The following CD48 variants were observed in gnomAD, a reference collection of about 807,000 sequenced individuals.
CD48 encodes CD48 molecule.
CD48 carries 20 observed loss-of-function variants against 22.0 expected under a neutral mutation model. The ratio of observed to expected loss-of-function variants is 0.91; its 90% CI spans 0.64 to 1.32. The LOEUF is 1.32. Among genes scored for constraint, CD48 ranks in the 40% most tolerant of loss-of-function variants. The probability of loss-of-function intolerance (pLI) is 0.00; values close to 1 mark genes in which losing one functional copy is unlikely to be tolerated. For synonymous variants in CD48, 110 were observed against 110.1 expected, an observed-to-expected ratio of 1.00 and a Z score of 0.01; for missense variants, 307 against 286.5, an observed-to-expected ratio of 1.07 and a Z score of -0.52.
intron 3 of CD48, 35 bp downstream of exon 3, chr1:160,681,167 C>CTG (rs769470674): frequency 6.4e-5 from 103 of 1,613,978 alleles, no homozygotes; most frequent in Non-Finnish European, 7.8e-5. Flanking sequence ...TCCAGTTACC[C>CTG]TGTGCCCCCC....
chr1:160,705,958 T>C (rs1303971918), intron 1 of CD48, among the ~76,000 whole-genome samples: 5 of 152,162 alleles, frequency 3.3e-5, no homozygotes, highest in Non-Finnish European at 7.4e-5. Context: ...GGTTGAGAAG[T>C]ACTGAGCTAG....
intron 1 of CD48, among the ~76,000 whole-genome samples, chr1:160,704,621 C>T (rs773573076): frequency 3.9e-5 from 6 of 152,140 alleles, no homozygotes; most frequent in African/African-American, 9.7e-5. Flanking sequence ...TGTGGAAGCA[C>T]GAAGGCATTT....
chr1:160,679,553 G>A (rs1661722785), intron 3 of CD48, among the ~76,000 whole-genome samples: 1 of 151,930 alleles, frequency 6.6e-6, no homozygotes, highest in Non-Finnish European at 1.5e-5. Flanking sequence ...CACCAACTAG[G>A]AAGAAGAAGG....
chr1:160,705,248 A>G lies in CD48; in HGVS notation c.82+6434T>C, dbSNP rs548676496. 3.9e-5 allele frequency among the ~76,000 whole-genome samples: 6 copies of G among 152,336 alleles called. No homozygotes were observed. The East Asian group carries it at 1.2e-3, about 29-fold the overall frequency. ...AAGCACTTACCCTGTCCTGGTTTGT[A>G]CACGGAAATACCTAGGCATTCATTT... is the stretch of plus-strand genomic sequence containing the variant. On this transcript the variant is annotated intron_variant, in intron 1 of 3. Coordinates refer to ENST00000368046, the MANE Select transcript of CD48 (RefSeq NM_001778.4).
At chr1:160,702,729 C>A (rs1223181210) in intron 1 of CD48, among the ~76,000 whole-genome samples, 2 of 152,056 alleles carry the variant, frequency 1.3e-5, no homozygotes, top group African/African-American at 4.8e-5. Flanking sequence ...CCTTCATGGC[C>A]GGTGCCCACA....
At chr1:160,689,850 G>A (rs1481561144) in intron 1 of CD48, among the ~76,000 whole-genome samples, 1 of 152,188 alleles carries the variant, frequency 6.6e-6, no homozygotes, top group Non-Finnish European at 1.5e-5. Context: ...CGTTATAATT[G>A]TGCCAGGTTC....
chr1:160,693,320 A>G (rs1407775562), intron 1 of CD48, among the ~76,000 whole-genome samples: 1 of 152,272 alleles, frequency 6.6e-6, no homozygotes, highest in Admixed American at 6.5e-5. Flanking sequence ...AGTGGAGTTG[A>G]TGGCATACGA....
intron 1 of CD48, among the ~76,000 whole-genome samples, chr1:160,688,108 C>A (rs185209255): frequency 6.6e-6 from 1 of 152,316 alleles, no homozygotes; most frequent in East Asian, 1.9e-4. Flanking sequence ...ATTAATTTGA[C>A]TTGCCAATTT....
intron 1 of CD48, among the ~76,000 whole-genome samples, chr1:160,703,942 G>C (rs1229221444): frequency 1.3e-5 from 2 of 152,140 alleles, no homozygotes; most frequent in African/African-American, 4.8e-5. Flanking sequence ...TGGGTGTTGA[G>C]AGACACAGTC....
intron 1 of CD48, chr1:160,699,589 G>A (rs1394514093): frequency 2.0e-5 from 3 of 152,232 alleles, no homozygotes; most frequent in Non-Finnish European, 4.4e-5. Context: ...TATAAAACCC[G>A]ATTGAACATT....
intron 1 of CD48, among the ~76,000 whole-genome samples, chr1:160,697,085 A>T (rs967339745): frequency 6.6e-6 from 1 of 152,182 alleles, no homozygotes; most frequent in Non-Finnish European, 1.5e-5. Flanking sequence ...CATTTATAGA[A>T]ATCAGACTAC....
intron 1 of CD48, among the ~76,000 whole-genome samples, chr1:160,710,174 G>A (rs1053256992): frequency 6.6e-6 from 1 of 152,148 alleles, no homozygotes; most frequent in Non-Finnish European, 1.5e-5. Flanking sequence ...GTCTAGGAAA[G>A]GTATAATCAT....
chr1:160,703,720 G>A (rs1662705804), intron 1 of CD48, among the ~76,000 whole-genome samples: 1 of 152,106 alleles, frequency 6.6e-6, no homozygotes, highest in African/African-American at 2.4e-5. Flanking sequence ...TACTGGTAGG[G>A]GCAAAAGGGT....
rs997458753 is a variant in CD48 at position 160,678,873 on chromosome 1, C to G, written c.*179G>C. The stretch of plus-strand genomic sequence containing the variant: ...TATATCTCTGTGTACTAGAAAACAA[C>G]AAAGGGATATAAAATTAAATAATAA... On this transcript the variant is annotated 3_prime_UTR_variant, in exon 4 of 4. Coordinates refer to ENST00000368046, the MANE Select transcript of CD48 (RefSeq NM_001778.4). 7.0e-6 allele frequency: 4 copies of G among 572,338 alleles called. No homozygotes were observed. The African/African-American group carries it at 7.5e-5, about 11-fold the overall frequency. The allele number at this position is 572,338 out of a possible 1,614,324, so 35.5% of individuals were successfully genotyped here.
At chr1:160,706,643 T>C (rs1485845834) in intron 1 of CD48, among the ~76,000 whole-genome samples, 1 of 152,226 alleles carries the variant, frequency 6.6e-6, no homozygotes, top group African/African-American at 2.4e-5. Flanking sequence ...TTTGGTGATA[T>C]GTCTGGATGA....
At chr1:160,688,188 C>T (rs1662069148) in intron 1 of CD48, among the ~76,000 whole-genome samples, 1 of 152,140 alleles carries the variant, frequency 6.6e-6, no homozygotes, top group Admixed American at 6.5e-5. Context: ...CAAAATGAGC[C>T]GTTTGAATAG....
At chr1:160,696,222 C>G (rs539834155) in intron 1 of CD48, among the ~76,000 whole-genome samples, 1 of 152,430 alleles carries the variant, frequency 6.6e-6, no homozygotes, top group Non-Finnish European at 1.5e-5. Context: ...TGGTTGCAGT[C>G]ATTACAGTGT....
intron 1 of CD48, among the ~76,000 whole-genome samples, chr1:160,687,370 C>T (rs1260474752): frequency 2.6e-5 from 4 of 152,112 alleles, no homozygotes; most frequent in Non-Finnish European, 5.9e-5. Flanking sequence ...GACATACATC[C>T]TCCTTGGCTG....
chr1:160,691,200 C>T (rs895110517), intron 1 of CD48, among the ~76,000 whole-genome samples: 7 of 152,150 alleles, frequency 4.6e-5, no homozygotes, highest in Admixed American at 6.5e-5. Flanking sequence ...CAGCCCGACA[C>T]CCGTAAAGGG....
Sources: allele counts gnomAD v4.1 joint callset (sites outside exome capture counted in the v4.1 genomes callset), GRCh38; gene constraint gnomAD v4.1.1; transcripts MANE v1.5; gene names NCBI Gene and HGNC (gene_info 2026-07-23, HGNC 2026-07-21).